EPB41L5: variants seen among roughly 807,000 people sequenced by gnomAD.
The protein encoded by EPB41L5 is band 4.1-like protein 5.
EPB41L5 carries 55 observed loss-of-function variants against 106.6 expected under a neutral mutation model. The ratio of observed to expected loss-of-function variants is 0.52; its 90% CI spans 0.42 to 0.65. EPB41L5 has a LOEUF of 0.65. Among genes scored for constraint, EPB41L5 ranks in the 30% least tolerant of loss-of-function variants. The pLI, the probability that EPB41L5 is intolerant of heterozygous loss-of-function variation, is 0.00. For missense variants in EPB41L5, 871 were observed against 882.1 expected (o/e 0.99, Z 0.16); for synonymous variants, 297 against 306.7 (o/e 0.97, Z 0.33).
Position 120,019,226 on chromosome 2 carries a change from T to G in EPB41L5, c.142T>G (p.Ser48Ala). 6.2e-7 allele frequency: 1 copy of G among 1,613,948 alleles called. No homozygotes were observed. Among genetic ancestry groups the G allele is most frequent in the Non-Finnish European group, 8.5e-7 (1 of 1,179,980 alleles). ...TAAGTCCATCATCACGTGTCGGGTGTCCCTTCTGGATGGTACTGATGTTAG... is the reference window on the plus strand; with the variant it reads ...TAAGTCCATCATCACGTGTCGGGTGGCCCTTCTGGATGGTACTGATGTTAG... ...DSKSIITCRV[S>A]LLDGTDVSVD... Residue 48 changes from serine (S) to alanine (A), a missense_variant, in exon 2 of 25, where the codon TCC becomes GCC. Coordinates refer to ENST00000263713, the MANE Select transcript of EPB41L5 (RefSeq NM_020909.4).
intron 2 of EPB41L5, among the ~76,000 whole-genome samples, chr2:120,037,347 T>C (rs1679103718): frequency 6.6e-6 from 1 of 152,152 alleles, no homozygotes; most frequent in South Asian, 2.1e-4. Flanking sequence ...AAGTGATCCA[T>C]AGATTAAATG....
At chr2:120,099,450 T>C (rs1683999581) in intron 14 of EPB41L5, among the ~76,000 whole-genome samples, 1 of 151,488 alleles carries the variant, frequency 6.6e-6, no homozygotes, top group Non-Finnish European at 1.5e-5. Flanking sequence ...TTTTTTGAGA[T>C]GGAGTCTCGC....
chr2:120,063,405 A>C (rs900229668), intron 3 of EPB41L5, among the ~76,000 whole-genome samples: 5 of 151,692 alleles, frequency 3.3e-5, no homozygotes, highest in Admixed American at 6.6e-5. Flanking sequence ...GTGAGCTCCT[A>C]TGCAATTTTG....
intron 3 of EPB41L5, among the ~76,000 whole-genome samples, chr2:120,047,104 A>G (rs1199410657): frequency 1.3e-5 from 2 of 152,192 alleles, no homozygotes; most frequent in Non-Finnish European, 2.9e-5. Flanking sequence ...TGATGCCTTC[A>G]GCTTTGTTCT....
In EPB41L5 at chr2:120,099,344, G is replaced by C; in HGVS notation, c.1179-900G>C. On this transcript the variant is annotated intron_variant, in intron 14 of 24. Transcript: ENST00000263713. Reference sequence around the variant, plus strand: ...TTTTCTGTTGTTCTGTAGTTTCTGGGTTTTTTTTTTTGTATTATAGGTTGA... The same window carrying C: ...TTTTCTGTTGTTCTGTAGTTTCTGGCTTTTTTTTTTTGTATTATAGGTTGA... Among the ~76,000 whole-genome samples the C allele has an allele frequency of 1.9e-5, 2 of 106,576 alleles. 1 individual carries two copies. 69.9% of individuals were successfully genotyped at this position (106,576 alleles called of 152,430 possible).
At chr2:120,127,886 T>G (rs1310306829) in intron 17 of EPB41L5, 35 bp downstream of exon 17, 2 of 1,481,128 alleles carry the variant, frequency 1.4e-6, no homozygotes, top group Admixed American at 2.0e-5. Context: ...CAGTGATACC[T>G]TTTTATCTTC....
Position 120,176,348 on chromosome 2 carries a change from TTAGCA to T in EPB41L5, c.*1444_*1448del, listed in dbSNP as rs1687917626. ...ATAATTAAGCACTAATTTGTACTGC[TTAGCA>T]TAAAAGAACATCCAGTCTTAGATCC... On this transcript the variant is annotated 3_prime_UTR_variant, in exon 25 of 25. Coordinates refer to ENST00000263713, the MANE Select transcript of EPB41L5 (RefSeq NM_020909.4). 2 of 152,372 alleles carry T rather than the reference TTAGCA, an allele frequency of 1.3e-5. No homozygotes were observed. The highest frequency in any genetic ancestry group is 4.1e-4 in the South Asian group (2 of 4,834). 9.4% of individuals were successfully genotyped at this position (152,372 alleles called of 1,614,324 possible).
chr2:120,085,078 C>A (rs944466385), intron 10 of EPB41L5, among the ~76,000 whole-genome samples: 1 of 152,126 alleles, frequency 6.6e-6, no homozygotes, highest in Non-Finnish European at 1.5e-5. Flanking sequence ...CGAACTTCCT[C>A]CTTTAGCTCA....
chr2:120,124,849 A>T (rs903910374), intron 16 of EPB41L5, among the ~76,000 whole-genome samples: 12 of 152,048 alleles, frequency 7.9e-5, no homozygotes, highest in Admixed American at 1.3e-4. Flanking sequence ...CTCTCAACTT[A>T]GATTTGTGTG....
At position 120,076,980 on chromosome 2, in the gene EPB41L5, G is replaced by T; in HGVS notation, c.515G>T (p.Gly172Val). The T allele has an allele frequency of 6.3e-7, 1 of 1,594,100 alleles. No homozygotes were observed. The highest frequency in any genetic ancestry group is 8.5e-7 in the Non-Finnish European group (1 of 1,170,646). ...AAACTTATGTTTATAGCTGAACTTGGTGACTATGATCTTGCTGAGCATAGT... is the reference window on the plus strand; with the variant it reads ...AAACTTATGTTTATAGCTGAACTTGTTGACTATGATCTTGCTGAGCATAGT... ...LAAYNLQAEL[G>V]DYDLAEHSPE... Residue 172 changes from glycine to valine, a missense_variant, in exon 8 of 25, where the codon GGT (glycine) becomes GTT (valine). Physicochemically the swap from Gly to Val is moderately radical, Grantham distance 109 (BLOSUM62 -3). Coordinates refer to ENST00000263713, the MANE Select transcript of EPB41L5 (RefSeq NM_020909.4).
intron 16 of EPB41L5, among the ~76,000 whole-genome samples, chr2:120,126,166 T>C (rs1023916726): frequency 6.6e-6 from 1 of 152,160 alleles, no homozygotes; most frequent in African/African-American, 2.4e-5. Flanking sequence ...TATTAACTTA[T>C]ACTAATATAT....
At chr2:120,117,282 A>G (rs1319170063) in intron 16 of EPB41L5, among the ~76,000 whole-genome samples, 1 of 152,144 alleles carries the variant, frequency 6.6e-6, no homozygotes, top group African/African-American at 2.4e-5. Context: ...AATATGTGCT[A>G]AACAGTTTCA....
intron 3 of EPB41L5, among the ~76,000 whole-genome samples, chr2:120,069,605 A>C (rs1681716916): frequency 6.6e-6 from 1 of 152,230 alleles, no homozygotes; most frequent in African/African-American, 2.4e-5. Context: ...AACAGAAGTC[A>C]TAACAAACAG....
chr2:120,128,163 C>T (rs1208842883), intron 17 of EPB41L5: 1 of 175,830 alleles, frequency 5.7e-6, no homozygotes, highest in Non-Finnish European at 1.2e-5. Flanking sequence ...ATTTGAACAT[C>T]CCATTAGCTG....
At chr2:120,147,372 G>T (rs905667969) in intron 20 of EPB41L5, among the ~76,000 whole-genome samples, 1 of 152,064 alleles carries the variant, frequency 6.6e-6, no homozygotes, top group Non-Finnish European at 1.5e-5. Flanking sequence ...CCAGGCCGTG[G>T]TGGCTCACGC....
At chr2:120,144,757 T>C (rs1212484356) in intron 19 of EPB41L5, among the ~76,000 whole-genome samples, 2 of 152,214 alleles carry the variant, frequency 1.3e-5, no homozygotes, top group African/African-American at 4.8e-5. Flanking sequence ...TCTTGAACAT[T>C]AACTTAAAAG....
intron 12 of EPB41L5, 135 bp downstream of exon 12, chr2:120,090,651 C>A: frequency 3.0e-6 from 2 of 668,356 alleles, no homozygotes; most frequent in Non-Finnish European, 2.4e-6. Flanking sequence ...TTCCATTGGC[C>A]AAAATAAAAT....
At chr2:120,021,327 G>T (rs1427099513) in intron 2 of EPB41L5, among the ~76,000 whole-genome samples, 2 of 149,930 alleles carry the variant, frequency 1.3e-5, no homozygotes, top group Non-Finnish European at 3.0e-5. Flanking sequence ...GTGACAGCAA[G>T]ACTCCGTCTC....
In EPB41L5 at chr2:120,075,378, T is replaced by C. The variant is rs1682158907; in HGVS notation, c.408-98T>C. On this transcript the variant is annotated intron_variant, in intron 5 of 24. Coordinates refer to ENST00000263713, the MANE Select transcript of EPB41L5 (RefSeq NM_020909.4). ...ATCTTTTATACATTAATACAAGTAA[T>C]TTTTAATGAAATAATACTTCTCAAG... The C allele has an allele frequency of 7.8e-6, 7 of 892,952 alleles. No homozygotes were observed. The Middle Eastern group carries it at 1.4e-3, about 175-fold the overall frequency. 55.3% of individuals were successfully genotyped at this position (892,952 alleles called of 1,614,324 possible). A position where few individuals can be genotyped will look rare whatever the true frequency, so the allele number is the denominator to read the frequency against.
Sources: gnomAD v4.1 joint callset for allele counts (sites outside exome capture counted in the v4.1 genomes callset) on GRCh38, gnomAD v4.1.1 for gene constraint, MANE v1.5 for transcripts, NCBI Gene and HGNC (gene_info 2026-07-23, HGNC 2026-07-21) for gene names.